Variants in SYNE1 observed in about 807,000 individuals in gnomAD.
The protein encoded by SYNE1 is nesprin-1.
A neutral mutation model predicts 1,111.0 loss-of-function variants in SYNE1; 616 were observed. The observed-to-expected ratio is 0.55, with a 90% CI of 0.52 to 0.59. SYNE1 has a LOEUF of 0.59. Ranked by LOEUF, SYNE1 falls within the 20% of genes least tolerant of loss-of-function variation. SYNE1 has a pLI of 0.00. For synonymous variants in SYNE1, 3,855 were observed against 3,825.8 expected (o/e 1.01, Z -0.28); for missense variants, 10,006 against 10,417.0 (o/e 0.96, Z 1.72).
intron 3 of SYNE1, among the ~76,000 whole-genome samples, chr6:152,553,567 A>G (rs2099355086): frequency 1.3e-5 from 2 of 152,136 alleles, no homozygotes; most frequent in Admixed American, 6.5e-5. Context: ...ATCCACGGAC[A>G]TCTTGACCGC....
chr6:152,161,303 T>C (rs929779464), intron 131 of SYNE1, among the ~76,000 whole-genome samples: 1 of 148,356 alleles, frequency 6.7e-6, no homozygotes, highest in African/African-American at 2.5e-5. Context: ...ACTATGGTAA[T>C]TTTCTCCTCT....
At chr6:152,495,233 G>A (rs2098992907) in intron 11 of SYNE1, among the ~76,000 whole-genome samples, 2 of 152,232 alleles carry the variant, frequency 1.3e-5, no homozygotes, top group South Asian at 2.1e-4. Flanking sequence ...CACATGCCCC[G>A]AGTCAGGAAA....
chr6:152,195,914 A>T (rs1342271608), intron 127 of SYNE1, among the ~76,000 whole-genome samples: 1 of 152,094 alleles, frequency 6.6e-6, no homozygotes, highest in Non-Finnish European at 1.5e-5. Flanking sequence ...GAGAGATGCC[A>T]GGGCTTGGAG....
At chr6:152,349,389 TGA>T (rs1471859549) in intron 72 of SYNE1, among the ~76,000 whole-genome samples, 2 of 152,344 alleles carry the variant, frequency 1.3e-5, no homozygotes, top group Middle Eastern at 3.4e-3. Context: ...ACAACAATTA[TGA>T]GATGGGCTGG....
intron 64 of SYNE1, among the ~76,000 whole-genome samples, chr6:152,359,725 A>C (rs146350413): frequency 2.6e-5 from 4 of 152,138 alleles, no homozygotes; most frequent in African/African-American, 9.6e-5. Context: ...TCTACTCTTA[A>C]CATTTCAAAC....
chr6:152,289,925 CTTTT>C (rs71017532), intron 95 of SYNE1, among the ~76,000 whole-genome samples: 50 of 129,952 alleles, frequency 3.8e-4, no homozygotes, highest in African/African-American at 1.3e-3. Flanking sequence ...CGCGCCCAGC[CTTTT>C]TTTTTTTTTT....
chr6:152,225,862 C>G lies in SYNE1; in HGVS notation c.21210G>C (p.Leu7070Phe), dbSNP rs1363713036. 6.2e-7 allele frequency: 1 copy of G among 1,613,148 alleles called. No individual in the cohort carries two copies. The highest frequency in any genetic ancestry group is 8.5e-7 in the Non-Finnish European group (1 of 1,179,808). The part of the protein sequence containing the change: ...ALKDCQDLED[L>F]IKAKEKEVEK... ...CTACTTCTTTTTCTTTTGCTTTAAT[C>G]AAATCTTCCAGATCCTGAAAGATTT... is the stretch of plus-strand genomic sequence containing the variant. The change falls in exon 116 of 146, where the codon TTG becomes TTC. Residue 7070 changes from leucine (L) to phenylalanine (F), a missense_variant. Physicochemically the swap from Leu to Phe is conservative, Grantham distance 22. Coordinates refer to ENST00000367255, the MANE Select transcript of SYNE1 (RefSeq NM_182961.4).
chr6:152,310,417 C>G lies in SYNE1; in HGVS notation c.16998G>C (p.Lys5666Asn). Reference protein sequence around the residue: ...TSPEVGRLSLKEQLSHRQHLL... With the variant: ...TSPEVGRLSLNEQLSHRQHLL... ...TTACCTGCCGATGAGAGAGCTGCTC[C>G]TTGAGACTGAGACGTCCAACTTCTG... The change falls in exon 89 of 146, where the codon AAG (lysine) becomes AAC (asparagine). Residue 5666 changes from lysine to asparagine, a missense_variant. Coordinates refer to ENST00000367255, the MANE Select transcript of SYNE1 (RefSeq NM_182961.4). The G allele has an allele frequency of 6.2e-7, 1 of 1,614,130 alleles. No homozygotes were observed. The highest frequency in any genetic ancestry group is 8.5e-7 in the Non-Finnish European group (1 of 1,180,010).
At chr6:152,369,267 C>A in intron 60 of SYNE1, 140 bp from the exon 61 acceptor site, 1 of 1,338,462 alleles carries the variant, frequency 7.5e-7, no homozygotes, top group Non-Finnish European at 1.0e-6. Context: ...AATCTACACA[C>A]CGTGGAGCAC....
chr6:152,358,612 T>A, intron 65 of SYNE1, 75 bp from the exon 66 acceptor site: 1 of 1,499,280 alleles, frequency 6.7e-7, no homozygotes, highest in South Asian at 1.2e-5. Flanking sequence ...TAATTCACTT[T>A]TGTAATTTTA....
chr6:152,255,711 C>T lies in SYNE1; in HGVS notation c.19140G>A (p.Glu6380=). The T allele has an allele frequency of 6.2e-7, 1 of 1,614,214 alleles. No individual in the cohort carries two copies. The highest frequency in any genetic ancestry group is 8.5e-7 in the Non-Finnish European group (1 of 1,180,036). ...GGAKRQSIHL[E]QKLYDGVSAT... Reference sequence around the variant, plus strand: ...CTGAGACTCCATCATACAACTTCTGCTCCAAGTGTATACTCTGCCTCTTTG... The same window carrying T: ...CTGAGACTCCATCATACAACTTCTGTTCCAAGTGTATACTCTGCCTCTTTG... The change falls in exon 103 of 146, where the codon GAG becomes GAA. Residue 6380 remains glutamate (E), a synonymous_variant. Transcript: ENST00000367255.
chr6:152,357,065 G>C (rs1394122078), intron 66 of SYNE1, among the ~76,000 whole-genome samples: 1 of 152,172 alleles, frequency 6.6e-6, no homozygotes, highest in African/African-American at 2.4e-5. Context: ...TTGGAGGCAG[G>C]ATGGATGAGA....
intron 64 of SYNE1, among the ~76,000 whole-genome samples, chr6:152,361,656 G>A (rs6557214): frequency 0.79 from 120,038 of 152,082 alleles, 47,534 homozygotes; most frequent in Non-Finnish European, 0.82. Context: ...CAGGCTGACC[G>A]ATGATCATGC....
In SYNE1 at chr6:152,168,156, A is replaced by G. The variant is rs1478350908; in HGVS notation, c.23628-3831T>C. 5 of 777,958 alleles carry G rather than the reference A, an allele frequency of 6.4e-6. No individual in the cohort carries two copies. The South Asian group carries it at 6.7e-5, about 10-fold the overall frequency. 48.2% of individuals were successfully genotyped at this position (777,958 alleles called of 1,614,324 possible). The stretch of plus-strand genomic sequence containing the variant: ...CAATCTGGGAGATCTGCATCCACAC[A>G]GCTGTCCTCTGCCATCCTCAGGGCA... On this transcript the variant is annotated intron_variant, in intron 130 of 145. Transcript: ENST00000367255.
At position 152,376,554 on chromosome 6, in the gene SYNE1, A is replaced by G. The variant is rs1456697107; in HGVS notation, c.9151T>C (p.Cys3051Arg). 6.2e-7 allele frequency: 1 copy of G among 1,613,944 alleles called. No homozygotes were observed. Reference sequence around the variant, plus strand: ...TGGCAGCCCTTGGATGCTTGCAAACAAAGACTGAAAAGGTGACGCAAAAAT... The same window carrying G: ...TGGCAGCCCTTGGATGCTTGCAAACGAAGACTGAAAAGGTGACGCAAAAAT... ...SGLIKEYNCL[C>R]LQASKGCQNK... Residue 3051 changes from cysteine (C) to arginine (R), a missense_variant, in exon 58 of 146, where the codon TGT (cysteine) becomes CGT (arginine). This residue lies in a region of SYNE1 where 4,955 missense variants were observed against 5,017.2 expected (regional missense o/e 0.99). Coordinates refer to ENST00000367255, the MANE Select transcript of SYNE1 (RefSeq NM_182961.4).
chr6:152,487,884 G>A (rs533007297), intron 12 of SYNE1, among the ~76,000 whole-genome samples: 1 of 152,124 alleles, frequency 6.6e-6, no homozygotes, highest in Non-Finnish European at 1.5e-5. Context: ...GACCATCCTG[G>A]CTAACATGGT....
In SYNE1 at chr6:152,436,085, G is replaced by C; in HGVS notation, c.4166C>G (p.Thr1389Arg). The C allele has an allele frequency of 6.2e-7, 1 of 1,613,820 alleles. No homozygotes were observed. The change falls in exon 33 of 146, where the codon ACA becomes AGA. Residue 1389 changes from threonine to arginine, a missense_variant. This residue lies in a region of SYNE1 where 1,971 missense variants were observed against 2,084.1 expected (regional missense o/e 0.95). Coordinates refer to ENST00000367255, the MANE Select transcript of SYNE1 (RefSeq NM_182961.4). ...LEQTKEFSKR[T>R]ESIAVQAENL... is the part of the protein sequence containing the mutation. ...CTCAGCCTGGACTGCAATACTTTCT[G>C]TCCGTTTAGAAAACTCCTAGAAAAA... is the stretch of plus-strand genomic sequence containing the variant.
At chr6:152,175,199 A>G (rs1002569851) in intron 130 of SYNE1, among the ~76,000 whole-genome samples, 2 of 152,188 alleles carry the variant, frequency 1.3e-5, no homozygotes, top group Non-Finnish European at 2.9e-5. Flanking sequence ...TCAAATATAA[A>G]TAAATAAATA....
chr6:152,575,515 C>T (rs868467985), intron 3 of SYNE1, among the ~76,000 whole-genome samples: 2 of 152,102 alleles, frequency 1.3e-5, no homozygotes, highest in Non-Finnish European at 2.9e-5. Flanking sequence ...AGTTGTTCAA[C>T]AATTTATTTA....
Sources: allele counts gnomAD v4.1 joint callset (sites outside exome capture counted in the v4.1 genomes callset), GRCh38; gene constraint gnomAD v4.1.1; regional missense constraint gnomAD v4.1.1; transcripts MANE v1.5; gene names NCBI Gene and HGNC (gene_info 2026-07-23, HGNC 2026-07-21).